The following TTN variants were observed in gnomAD, a reference collection of about 807,000 sequenced individuals.
TTN encodes the protein connectin.
A neutral mutation model predicts 3,223.0 loss-of-function variants in TTN; 1,525 were observed. The ratio of observed to expected loss-of-function variants is 0.47; its 90% CI spans 0.45 to 0.49. TTN has a LOEUF of 0.49. Among genes scored for constraint, TTN ranks in the 20% least tolerant of loss-of-function variants. The pLI is 0.00. For missense variants in TTN, 40,786 were observed against 43,424.0 expected (o/e 0.94, Z 5.40); for synonymous variants, 14,094 against 15,161.0 (o/e 0.93, Z 5.17).
intron 21 of TTN, 119 bp downstream of exon 21, chr2:178,780,988 AACTGAGGCAAAGAC>A: frequency 8.5e-7 from 1 of 1,181,554 alleles, no homozygotes; most frequent in Non-Finnish European, 1.2e-6. Flanking sequence ...TTTTCCATAC[AACTGAGGCAAAGAC>A]ACTGGGGCAA....
intron 43 of TTN, among the ~76,000 whole-genome samples, chr2:178,760,100 C>T (rs1384665937): frequency 6.6e-6 from 1 of 152,188 alleles, no homozygotes; most frequent in Non-Finnish European, 1.5e-5. Context: ...AATCATCTAG[C>T]ATTTGTCTGC....
rs2077998688 is a variant in TTN, at chr2:178,719,441, C to T, written c.23949G>A (p.Val7983=). Residue 7983 remains valine (V), a synonymous_variant, in exon 83 of 363, where the codon GTG becomes GTA. Transcript: ENST00000589042. The part of the protein sequence containing the change: ...TVSVHVSDRI[V]PPSFIRKLKD... ...TCAGCTTGCGGATGAAGGAAGGAGGCACAATCCGATCTATGTGGGGAAGGG... is the reference window on the plus strand; with the variant it reads ...TCAGCTTGCGGATGAAGGAAGGAGGTACAATCCGATCTATGTGGGGAAGGG... 6 of 1,611,998 alleles carry T rather than the reference C, an allele frequency of 3.7e-6. No homozygotes were observed. The highest frequency in any genetic ancestry group is 1.7e-5 in the Admixed American group (1 of 59,904).
rs775796823 is a variant in TTN at position 178,602,374 on chromosome 2, C to T, written c.55028G>A (p.Arg18343Lys). 4 of 1,612,838 alleles carry T rather than the reference C, an allele frequency of 2.5e-6. No individual in the cohort carries two copies. Among genetic ancestry groups the T allele is most frequent in the South Asian group, 2.2e-5 (2 of 91,046 alleles). ...AGCTTTCACTCTGAATCTGTACTTC[C>T]TGAGCTCTTTCAGATTAGGCACCAC... ...ECVVPNLKEL[R>K]KYRFRVKAVN... The change falls in exon 283 of 363, where the codon AGG becomes AAG. Residue 18343 changes from arginine (R) to lysine (K), a missense_variant. By Grantham distance (26) the Arg-to-Lys change is conservative. Transcript: ENST00000589042.
intron 90 of TTN, 44 bp from the exon 91 acceptor site, chr2:178,714,617 C>T: frequency 6.5e-7 from 1 of 1,534,892 alleles, no homozygotes; most frequent in Non-Finnish European, 8.7e-7. Flanking sequence ...ATTTGTGAGA[C>T]TGACAGCATT....
chr2:178,539,906 C>T lies in TTN; in HGVS notation c.98159G>A (p.Gly32720Asp). The change falls in exon 352 of 363, where the codon GGC becomes GAC. Residue 32720 changes from glycine (G) to aspartate (D), a missense_variant. Gly to Asp is a moderately conservative substitution (Grantham distance 94). Transcript: ENST00000589042. Reference sequence around the variant, plus strand: ...GATTGGTATGGTAAGTCTGATGACGCCACCTTGCCTTACAAAGATACCTTC... The same window carrying T: ...GATTGGTATGGTAAGTCTGATGACGTCACCTTGCCTTACAAAGATACCTTC... ...YQEGIFVRQG[G>D]VIRLTIPIKG... The T allele has an allele frequency of 6.2e-7, 1 of 1,613,714 alleles. No homozygotes were observed. Among genetic ancestry groups the T allele is most frequent in the Non-Finnish European group, 8.5e-7 (1 of 1,179,748 alleles).
In TTN at chr2:178,705,194, C is replaced by T. The variant is rs1413788633; in HGVS notation, c.29584G>A (p.Glu9862Lys). Residue 9862 changes from glutamate (E) to lysine (K), a missense_variant, in exon 103 of 363, where the codon GAA becomes AAA. By Grantham distance (56) the Glu-to-Lys change is moderately conservative (BLOSUM62 1). Transcript: ENST00000589042. Reference protein sequence around the residue: ...QAFELLKQSQEEETHRLEIEE... With the variant: ...QAFELLKQSQKEETHRLEIEE... The stretch of plus-strand genomic sequence containing the variant: ...CATACCAGTCTATGTGTCTCTTCTT[C>T]TTGGCTTTGCTTGAGCAGTTCAAAT... 1 of 1,613,456 alleles carries T rather than the reference C, an allele frequency of 6.2e-7. No individual in the cohort carries two copies. Among genetic ancestry groups the T allele is most frequent in the Middle Eastern group, 1.7e-4 (1 of 6,058 alleles).
In TTN at chr2:178,677,258, C is replaced by CCCA; in HGVS notation, c.34320_34321insTGG (p.Pro11440_Glu11441insTrp). 1 of 1,217,594 alleles carries CCCA rather than the reference C, an allele frequency of 8.2e-7. No individual in the cohort carries two copies. Among genetic ancestry groups the CCCA allele is most frequent in the Non-Finnish European group, 1.0e-6 (1 of 980,850 alleles). The allele number at this position is 1,217,594 out of a possible 1,614,324, so 75.4% of individuals were successfully genotyped here. ...GGGGCGGGAACAGGGACTTTCTTCT[C>CCCA]TGGTACAGGTTTCTTTGGCACTTCA... On this transcript the variant is annotated inframe_insertion, in exon 147 of 363. Coordinates refer to ENST00000589042, the MANE Select transcript of TTN (RefSeq NM_001267550.2).
Position 178,590,318 on chromosome 2 carries a change from A to G in TTN, c.61407T>C (p.Asp20469=). ...GTTCTACTTCTGGAGGATGAAGGATATCTTTTGCAATCACAGATTCTGCTA... is the reference window on the plus strand; with the variant it reads ...GTTCTACTTCTGGAGGATGAAGGATGTCTTTTGCAATCACAGATTCTGCTA... ...RELAESVIAK[D]ILHPPEVELD... The change falls in exon 304 of 363, where the codon GAT becomes GAC. Residue 20469 remains aspartate (D), a synonymous_variant. Coordinates refer to ENST00000589042, the MANE Select transcript of TTN (RefSeq NM_001267550.2). 2.5e-6 allele frequency: 4 copies of G among 1,569,442 alleles called. No individual in the cohort carries two copies. In the South Asian group the frequency reaches 4.9e-5, roughly 19 times the overall value.
At chr2:178,605,795 G>T in intron 278 of TTN, 82 bp from the exon 279 acceptor site, 1 of 1,189,712 alleles carries the variant, frequency 8.4e-7, no homozygotes, top group Non-Finnish European at 1.1e-6. Flanking sequence ...ACTTAATTAT[G>T]TAAAAAATAG....
Position 178,632,354 on chromosome 2 carries a change from C to G in TTN, c.43540G>C (p.Ala14514Pro). Residue 14514 changes from alanine (A) to proline (P), a missense_variant, in exon 236 of 363, where the codon GCT becomes CCT. Transcript: ENST00000589042. ...KDVTAKEKESAVFTVELSHDN... is the reference protein window; with the variant it reads ...KDVTAKEKESPVFTVELSHDN... ...TGAGATAACTCCACAGTAAATACAG[C>G]ACTTTCCTTCTCTTTGGCAGTTACA... 1 of 1,604,968 alleles carries G rather than the reference C, an allele frequency of 6.2e-7. No individual in the cohort carries two copies. The highest frequency in any genetic ancestry group is 8.5e-7 in the Non-Finnish European group (1 of 1,175,362).
At chr2:178,609,109 G>A (rs1322898600) in intron 273 of TTN, 99 bp downstream of exon 273, 2 of 1,354,762 alleles carry the variant, frequency 1.5e-6, no homozygotes, top group Admixed American at 3.2e-5. Context: ...ATAACTTGCT[G>A]AAGCTATGTC....
In TTN at chr2:178,554,579, C is replaced by G. The variant is rs72648236; in HGVS notation, c.88768G>C (p.Glu29590Gln). 6.2e-7 allele frequency: 1 copy of G among 1,613,888 alleles called. No homozygotes were observed. Among genetic ancestry groups the G allele is most frequent in the Non-Finnish European group, 8.5e-7 (1 of 1,179,856 alleles). ...ATTTTGGTGGTTGTAATGATGCACT[C>G]TTCCAAATGTTCAGACACCATAGAC... ...VWSMVSEHLE[E>Q]CIITTTKIIK... Residue 29590 changes from glutamate to glutamine, a missense_variant, in exon 332 of 363, where the codon GAG becomes CAG. Physicochemically the swap from Glu to Gln is conservative, Grantham distance 29. Coordinates refer to ENST00000589042, the MANE Select transcript of TTN (RefSeq NM_001267550.2).
chr2:178,686,113 ATTTTTT>A (rs765570520), intron 127 of TTN, among the ~76,000 whole-genome samples: 7 of 77,804 alleles, frequency 9.0e-5, no homozygotes, highest in Admixed American at 3.7e-4. Flanking sequence ...TACAGTTTTA[ATTTTTT>A]TTTTTTTTTT....
intron 47 of TTN, chr2:178,748,298 TC>T (rs755225903): frequency 6.2e-7 from 1 of 1,612,838 alleles, no homozygotes; most frequent in Non-Finnish European, 8.5e-7. Flanking sequence ...GACTTCTTTT[TC>T]TAAAGAAATG....
intron 47 of TTN, among the ~76,000 whole-genome samples, chr2:178,744,001 T>C (rs911893971): frequency 6.6e-6 from 1 of 151,964 alleles, no homozygotes; most frequent in African/African-American, 2.4e-5. Context: ...ACATTGTCTC[T>C]ATTGCTTCTT....
rs1015273155 is a variant in TTN at position 178,576,471 on chromosome 2, A to G, written c.69716-55T>C. ...ATATTCAGAGTTTGGCTTTTGGGTA[A>G]TTTAGATAAAATATTGGCACTCTGG... On this transcript the variant is annotated intron_variant, in intron 325 of 362. Transcript: ENST00000589042. This position sits in a 1 kb window ranked among gnomAD's most constrained non-coding sequence, Gnocchi z 4.3. 1 of 1,591,808 alleles carries G rather than the reference A, an allele frequency of 6.3e-7. No individual in the cohort carries two copies.
chr2:178,679,261 A>G (rs1371038278), intron 142 of TTN, 78 bp downstream of exon 142: 2 of 1,459,144 alleles, frequency 1.4e-6, no homozygotes, highest in Admixed American at 3.5e-5. Flanking sequence ...TCATGGGGAA[A>G]GATCTGCTAT....
At position 178,714,305 on chromosome 2, in the gene TTN, C is replaced by T. The variant is rs775381639; in HGVS notation, c.26469G>A (p.Thr8823=). The T allele has an allele frequency of 3.1e-6, 5 of 1,612,372 alleles. No individual in the cohort carries two copies. Among genetic ancestry groups the T allele is most frequent in the African/African-American group, 1.3e-5 (1 of 74,972 alleles). Residue 8823 remains threonine (T), a synonymous_variant, in exon 91 of 363, where the codon ACG becomes ACA. Transcript: ENST00000589042. The part of the protein sequence containing the change: ...NDAGMQECFA[T]LSVLEPATIV... The stretch of plus-strand genomic sequence containing the variant: ...CTTTTTACTAACCGAGAACGGATAG[C>T]GTGGCGAAGCACTCTTGCATCCCAG...
chr2:178,758,771 G>A, intron 44 of TTN: 1 of 592,382 alleles, frequency 1.7e-6, no homozygotes. Flanking sequence ...CAGAGAAAAA[G>A]CGGGGCCAAA....
Sources: allele counts gnomAD v4.1 joint callset (sites outside exome capture counted in the v4.1 genomes callset), GRCh38; gene constraint gnomAD v4.1.1; non-coding constraint Gnocchi (gnomAD v3.1); transcripts MANE v1.5; gene names NCBI Gene and HGNC (gene_info 2026-07-23, HGNC 2026-07-21).